Variants in CUL1 observed in about 807,000 individuals in gnomAD.
The protein encoded by CUL1 is cullin-1.
CUL1 carries 24 observed loss-of-function variants against 118.0 expected under a neutral mutation model. The ratio of observed to expected loss-of-function variants is 0.20; its 90% confidence interval spans 0.15 to 0.29. The LOEUF (loss-of-function observed/expected upper bound fraction) is 0.29. Among genes scored for constraint, CUL1 ranks in the 10% least tolerant of loss-of-function variants. The probability of loss-of-function intolerance (pLI) is 1.00; values close to 1 mark genes in which losing one functional copy is unlikely to be tolerated. For missense variants in CUL1, 361 were observed against 933.8 expected, an observed-to-expected ratio of 0.39 and a Z score of 7.99; for synonymous variants, 332 against 340.4, an observed-to-expected ratio of 0.98 and a Z score of 0.27.
In CUL1 at chr7:148,787,240, A is replaced by C; in HGVS notation, c.1479+120A>C. ...CACTTTGGGAGGCCGAGGCGGGCAG[A>C]TCACGAGGTCAGGAGATCGAGACCA... On this transcript the variant is annotated intron_variant, in intron 13 of 21. Transcript: ENST00000325222. This position sits in a 1 kb window ranked among gnomAD's most constrained non-coding sequence, Gnocchi z 5.5. 1.1e-6 allele frequency: 1 copy of C among 943,818 alleles called. No homozygotes were observed. The highest frequency in any genetic ancestry group is 1.6e-6 in the Non-Finnish European group (1 of 637,264). 58.5% of individuals were successfully genotyped at this position (943,818 alleles called of 1,614,324 possible). A position where few individuals can be genotyped will look rare whatever the true frequency, so the allele number is the denominator to read the frequency against.
At chr7:148,794,115 C>G (rs184336386) in intron 17 of CUL1, among the ~76,000 whole-genome samples, 285 of 151,704 alleles carry the variant, frequency 1.9e-3, no homozygotes, top group African/African-American at 6.7e-3. Context: ...GTTGTTGAGT[C>G]GTAAGAATTC....
At chr7:148,771,987 T>C (rs931803719) in intron 9 of CUL1, among the ~76,000 whole-genome samples, 17 of 152,172 alleles carry the variant, frequency 1.1e-4, no homozygotes, top group African/African-American at 3.9e-4. Context: ...ATTTTTCTTA[T>C]TTGACCAAAG....
chr7:148,783,248 C>A, intron 9 of CUL1: 1 of 821,752 alleles, frequency 1.2e-6, no homozygotes. Context: ...GCGCTCCGCC[C>A]CTCTTCCCGT....
intron 1 of CUL1, among the ~76,000 whole-genome samples, chr7:148,722,697 C>T (rs1042852362): frequency 6.6e-6 from 1 of 152,266 alleles, no homozygotes; most frequent in African/African-American, 2.4e-5. Context: ...TTCCTCTCCA[C>T]TCCTGAAACC....
intron 2 of CUL1, among the ~76,000 whole-genome samples, chr7:148,734,486 C>T (rs1333962411): frequency 6.6e-6 from 1 of 152,184 alleles, no homozygotes; most frequent in Non-Finnish European, 1.5e-5. Flanking sequence ...TCAAGTTATC[C>T]GCCCACCTGG....
intron 9 of CUL1, among the ~76,000 whole-genome samples, chr7:148,770,724 C>T (rs570613063): frequency 6.6e-6 from 1 of 152,156 alleles, no homozygotes; most frequent in African/African-American, 2.4e-5. Context: ...AGCGTGGGTG[C>T]CCGGGCCATA....
At chr7:148,753,883 G>A (rs925498690) in intron 2 of CUL1, 93 bp from the exon 3 acceptor site, 15 of 905,564 alleles carry the variant, frequency 1.7e-5, no homozygotes, top group Non-Finnish European at 2.3e-5. Flanking sequence ...GATATATTGG[G>A]AATGCATTGG....
intron 9 of CUL1, among the ~76,000 whole-genome samples, chr7:148,780,858 G>C (rs189535777): frequency 5.9e-5 from 9 of 152,054 alleles, no homozygotes; most frequent in Admixed American, 5.9e-4. Context: ...ACATCCATTT[G>C]ATCCAGCTGA....
chr7:148,702,819 G>C (rs1797761292), intron 1 of CUL1, among the ~76,000 whole-genome samples: 1 of 152,198 alleles, frequency 6.6e-6, no homozygotes, highest in Non-Finnish European at 1.5e-5. Flanking sequence ...TTTGATTGTA[G>C]TTGGTGGTTT....
At chr7:148,727,865 C>T (rs1563151878) in intron 1 of CUL1, among the ~76,000 whole-genome samples, 1 of 151,970 alleles carries the variant, frequency 6.6e-6, no homozygotes, top group Non-Finnish European at 1.5e-5. Context: ...CTGATAGTGC[C>T]ATATTAAGGA....
At chr7:148,745,445 T>C (rs1799282120) in intron 2 of CUL1, among the ~76,000 whole-genome samples, 1 of 152,230 alleles carries the variant, frequency 6.6e-6, no homozygotes, top group Non-Finnish European at 1.5e-5. Flanking sequence ...CTAGGCCACT[T>C]TTCAGTATAC....
intron 9 of CUL1, among the ~76,000 whole-genome samples, chr7:148,778,098 G>GAAAAAAA (rs1563166656): frequency 1.0e-4 from 5 of 49,328 alleles, no homozygotes; most frequent in Non-Finnish European, 1.4e-4. Flanking sequence ...AAAAAAAAAA[G>GAAAAAAA]AAGAAGAAGA....
chr7:148,725,219 G>GCA lies in CUL1; in HGVS notation c.-161-4742_-161-4741insAC. Among the ~76,000 whole-genome samples the GCA allele has an allele frequency of 8.3e-3, 1,159 of 140,142 alleles. 7 individuals carry two copies. The highest frequency in any genetic ancestry group is 0.016 in the East Asian group (72 of 4,634). The allele number at this position is 140,142 out of a possible 152,430, so 91.9% of individuals were successfully genotyped here. ...CGTGTACACACACACACACGCGCGC[G>GCA]CTCACACACACACACACACACACAC... On this transcript the variant is annotated intron_variant, in intron 1 of 21. Transcript: ENST00000325222.
chr7:148,789,956 G>C (rs1196819658), intron 15 of CUL1, 130 bp downstream of exon 15: 2 of 852,254 alleles, frequency 2.3e-6, no homozygotes, highest in Non-Finnish European at 3.9e-6. Flanking sequence ...TGAACCATGG[G>C]GGCAACACTC....
intron 20 of CUL1, 76 bp downstream of exon 20, chr7:148,798,753 G>A (rs1047517097): frequency 3.4e-6 from 4 of 1,186,390 alleles, no homozygotes; most frequent in South Asian, 1.2e-5. Flanking sequence ...GCCGTGGGGG[G>A]TAGGCGGGGG....
intron 1 of CUL1, among the ~76,000 whole-genome samples, chr7:148,728,655 A>G (rs1798661178): frequency 6.6e-6 from 1 of 152,242 alleles, no homozygotes; most frequent in South Asian, 2.1e-4. Flanking sequence ...TGAACATACC[A>G]ATTCGAATGT....
At chr7:148,752,661 T>C (rs1351256967) in intron 2 of CUL1, among the ~76,000 whole-genome samples, 18 of 152,218 alleles carry the variant, frequency 1.2e-4, no homozygotes, top group Non-Finnish European at 2.5e-4. Context: ...TATTTATTTA[T>C]TTTTTGAGAC....
intron 9 of CUL1, among the ~76,000 whole-genome samples, chr7:148,771,644 A>G (rs890406896): frequency 3.9e-5 from 6 of 152,220 alleles, no homozygotes; most frequent in African/African-American, 1.4e-4. Flanking sequence ...GAGGCGATCA[A>G]TTAGCCTATT....
At chr7:148,732,610 A>G (rs1798801425) in intron 2 of CUL1, among the ~76,000 whole-genome samples, 1 of 151,678 alleles carries the variant, frequency 6.6e-6, no homozygotes, top group South Asian at 2.1e-4. Context: ...AAAGGCTGGG[A>G]TTACAGGTGT....
Sources: gnomAD v4.1 joint callset for allele counts (sites outside exome capture counted in the v4.1 genomes callset) on GRCh38, gnomAD v4.1.1 for gene constraint, Gnocchi (gnomAD v3.1) non-coding constraint, MANE v1.5 for transcripts, NCBI Gene and HGNC (gene_info 2026-07-23, HGNC 2026-07-21) for gene names.